Variants in ACER2 observed in about 807,000 individuals in gnomAD.
ACER2 encodes the protein alkCDase 2.
Under a neutral mutation model 34.7 loss-of-function variants are expected in ACER2, and 26 were observed. The observed-to-expected ratio is 0.75, with a 90% CI of 0.55 to 1.04. ACER2 has a LOEUF of 1.04. Among genes scored for constraint, ACER2 ranks in the 50% least tolerant of loss-of-function variants. The probability of loss-of-function intolerance (pLI) is 0.00; values close to 1 mark genes in which losing one functional copy is unlikely to be tolerated. For synonymous variants in ACER2, 138 were observed against 132.1 expected, an observed-to-expected ratio of 1.04 and a Z score of -0.31; for missense variants, 352 against 340.8, an observed-to-expected ratio of 1.03 and a Z score of -0.26.
At chr9:19,431,891 T>C (rs1830765697) in intron 3 of ACER2, among the ~76,000 whole-genome samples, 1 of 152,242 alleles carries the variant, frequency 6.6e-6, no homozygotes, top group Non-Finnish European at 1.5e-5. Context: ...TTCATTCAAA[T>C]TGGCTTCTTA....
At chr9:19,410,466 T>G (rs1044144345) in intron 1 of ACER2, among the ~76,000 whole-genome samples, 1 of 152,134 alleles carries the variant, frequency 6.6e-6, no homozygotes, top group Non-Finnish European at 1.5e-5. Flanking sequence ...TCCTAGCACT[T>G]TGGGAGGCCA....
chr9:19,410,131 GGTT>G (rs1445856934), intron 1 of ACER2, among the ~76,000 whole-genome samples: 1 of 152,214 alleles, frequency 6.6e-6, no homozygotes, highest in Non-Finnish European at 1.5e-5. Context: ...GTGAATTTGA[GGTT>G]GTTGTTTAGG....
intron 4 of ACER2, among the ~76,000 whole-genome samples, chr9:19,444,544 A>G (rs982252687): frequency 1.3e-5 from 2 of 152,094 alleles, no homozygotes; most frequent in African/African-American, 2.4e-5. Context: ...AAGTTTACAA[A>G]TTTGTGTTGG....
chr9:19,446,608 G>A (rs1019679347), intron 5 of ACER2, 190 bp downstream of exon 5: 4 of 985,300 alleles, frequency 4.1e-6, no homozygotes, highest in East Asian at 2.3e-4. Flanking sequence ...TGACTCCAGG[G>A]AGCAGGCTTA....
At chr9:19,417,607 G>C (rs1383871144) in intron 1 of ACER2, among the ~76,000 whole-genome samples, 1 of 152,126 alleles carries the variant, frequency 6.6e-6, no homozygotes, top group Non-Finnish European at 1.5e-5. Context: ...ACAAAAACAA[G>C]CAATGGGGAA....
At chr9:19,418,089 A>G (rs1421982060) in intron 1 of ACER2, among the ~76,000 whole-genome samples, 4 of 152,254 alleles carry the variant, frequency 2.6e-5, no homozygotes, top group Admixed American at 6.5e-5. Context: ...CTACAAACAT[A>G]TGAAAAAAGC....
chr9:19,451,575 G>A lies in ACER2; in HGVS notation c.*939G>A, dbSNP rs150881610. 2.0e-5 allele frequency: 3 copies of A among 152,628 alleles called. No individual in the cohort carries two copies. The East Asian group carries it at 5.8e-4, about 29-fold the overall frequency. The allele number at this position is 152,628 out of a possible 1,614,324, so 9.5% of individuals were successfully genotyped here. On this transcript the variant is annotated 3_prime_UTR_variant, in exon 6 of 6. Transcript: ENST00000340967. ...AAGATGAGCACAATTTTTAAATACT[G>A]AGCACAATTTTTAAATACTGACATC... is the stretch of plus-strand genomic sequence containing the variant.
chr9:19,439,243 G>C (rs1035934026), intron 4 of ACER2, among the ~76,000 whole-genome samples: 1 of 152,074 alleles, frequency 6.6e-6, no homozygotes, highest in Non-Finnish European at 1.5e-5. Context: ...CTTCCATTAG[G>C]GTTGGTCTTC....
chr9:19,423,759 C>G, intron 1 of ACER2, 103 bp from the exon 2 acceptor site: 2 of 839,110 alleles, frequency 2.4e-6, no homozygotes, highest in South Asian at 1.4e-5. Context: ...GATGTGTGAC[C>G]ACATTTATCC....
chr9:19,420,369 A>G (rs923188785), intron 1 of ACER2, among the ~76,000 whole-genome samples: 2 of 152,124 alleles, frequency 1.3e-5, no homozygotes, highest in Admixed American at 6.6e-5. Context: ...ACTCATGTAG[A>G]CTTAGCTGTC....
At chr9:19,417,964 C>A (rs1261235524) in intron 1 of ACER2, among the ~76,000 whole-genome samples, 2 of 151,956 alleles carry the variant, frequency 1.3e-5, no homozygotes, top group African/African-American at 4.8e-5. Flanking sequence ...ATCCATCTGA[C>A]AAAGGGCTAA....
intron 4 of ACER2, among the ~76,000 whole-genome samples, chr9:19,439,964 G>C (rs937693785): frequency 4.6e-5 from 7 of 152,102 alleles, no homozygotes; most frequent in Admixed American, 6.6e-5. Flanking sequence ...AACAGAGCAA[G>C]ACTCCATCCC....
chr9:19,449,673 C>T (rs936457997), intron 5 of ACER2, among the ~76,000 whole-genome samples: 1 of 152,046 alleles, frequency 6.6e-6, no homozygotes, highest in African/African-American at 2.4e-5. Context: ...TACCTGAGGT[C>T]AGGAGTTCAA....
intron 1 of ACER2, among the ~76,000 whole-genome samples, chr9:19,409,588 G>C (rs1276741293): frequency 6.6e-6 from 1 of 152,062 alleles, no homozygotes; most frequent in Non-Finnish European, 1.5e-5. Flanking sequence ...GGGTCGCATT[G>C]TGCTTTTTTG....
chr9:19,444,660 A>G (rs1161782868), intron 4 of ACER2, among the ~76,000 whole-genome samples: 1 of 152,222 alleles, frequency 6.6e-6, no homozygotes, highest in Non-Finnish European at 1.5e-5. Flanking sequence ...GTGTGGGAAG[A>G]AGCCTGGAGA....
At chr9:19,417,295 T>G (rs1297953188) in intron 1 of ACER2, among the ~76,000 whole-genome samples, 1 of 152,228 alleles carries the variant, frequency 6.6e-6, no homozygotes, top group Non-Finnish European at 1.5e-5. Context: ...ATGGCCATAC[T>G]GCCCAAGGTA....
At chr9:19,449,265 G>C (rs1389390965) in intron 5 of ACER2, among the ~76,000 whole-genome samples, 1 of 152,144 alleles carries the variant, frequency 6.6e-6, no homozygotes, top group Admixed American at 6.6e-5. Flanking sequence ...ATAATACATT[G>C]AACCCCCATA....
chr9:19,437,111 T>C (rs916596687), intron 4 of ACER2, among the ~76,000 whole-genome samples: 2 of 152,240 alleles, frequency 1.3e-5, no homozygotes, highest in African/African-American at 4.8e-5. Flanking sequence ...TGTTCAGCTG[T>C]CATCACTCTG....
intron 3 of ACER2, 123 bp downstream of exon 3, chr9:19,424,964 G>A: frequency 8.2e-7 from 1 of 1,217,728 alleles, no homozygotes; most frequent in Non-Finnish European, 1.1e-6. Flanking sequence ...TCATATACTT[G>A]TTCAATATCT....
Sources: allele counts gnomAD v4.1 joint callset (sites outside exome capture counted in the v4.1 genomes callset), GRCh38; gene constraint gnomAD v4.1.1; transcripts MANE v1.5; gene names NCBI Gene and HGNC (gene_info 2026-07-23, HGNC 2026-07-21).